Variants in TNRC18 observed in about 807,000 individuals in gnomAD.
TNRC18 encodes trinucleotide repeat-containing gene 18 protein.
In TNRC18, 69 loss-of-function variants were observed where a neutral mutation model predicts 226.7. The observed-to-expected ratio is 0.30, with a 90% confidence interval of 0.25 to 0.37. The LOEUF (loss-of-function observed/expected upper bound fraction) is 0.37, where lower values mean the gene tolerates loss of function less well. Among genes scored for constraint, TNRC18 ranks in the 10% least tolerant of loss-of-function variants. The pLI, the probability that TNRC18 is intolerant of heterozygous loss-of-function variation, is 1.00. For synonymous variants in TNRC18, 2,449 were observed against 1,927.6 expected (o/e 1.27, Z -7.09); for missense variants, 4,754 against 4,256.6 (o/e 1.12, Z -3.25).
intron 18 of TNRC18, among the ~76,000 whole-genome samples, chr7:5,336,515 G>C (rs1353883249): frequency 2.0e-5 from 3 of 152,172 alleles, no homozygotes; most frequent in Non-Finnish European, 4.4e-5. Flanking sequence ...GGCTGAGGCA[G>C]GAGGATCCCT....
At chr7:5,383,055 C>T (rs533761029) in intron 5 of TNRC18, among the ~76,000 whole-genome samples, 12 of 150,204 alleles carry the variant, frequency 8.0e-5, no homozygotes, top group African/African-American at 2.8e-4. Context: ...CCACTATGCT[C>T]GGATGATTTA....
chr7:5,328,059 T>C (rs1391592680), intron 19 of TNRC18, among the ~76,000 whole-genome samples: 1 of 151,500 alleles, frequency 6.6e-6, no homozygotes, highest in African/African-American at 2.4e-5. Flanking sequence ...CCGTCTCTAC[T>C]AAAAATACAA....
chr7:5,350,523 G>A (rs960907125), intron 17 of TNRC18, among the ~76,000 whole-genome samples: 4 of 152,186 alleles, frequency 2.6e-5, no homozygotes, highest in Admixed American at 6.5e-5. Context: ...CCTTCCTCAG[G>A]GAGTAGCTGA....
intron 2 of TNRC18, among the ~76,000 whole-genome samples, chr7:5,415,622 C>T (rs1359482297): frequency 6.6e-6 from 1 of 150,494 alleles, no homozygotes; most frequent in Non-Finnish European, 1.5e-5. Flanking sequence ...CTCAGGTGAT[C>T]AGCCTGCCTA....
At chr7:5,351,788 C>T (rs1261896583) in intron 17 of TNRC18, 31 bp downstream of exon 17, 9 of 1,542,596 alleles carry the variant, frequency 5.8e-6, no homozygotes, top group African/African-American at 2.8e-5. Context: ...CTAGGAAACA[C>T]GGAAGGTATT....
Position 5,379,400 on chromosome 7 carries a change from G to GA in TNRC18, c.2153-1377dup, listed in dbSNP as rs34098204. 1.6e-3 allele frequency among the ~76,000 whole-genome samples: 221 copies of GA among 136,662 alleles called. 1 individual carries two copies. Among genetic ancestry groups the GA allele is most frequent in the Middle Eastern group, 3.7e-3 (1 of 272 alleles). 89.7% of individuals were successfully genotyped at this position (136,662 alleles called of 152,430 possible). ...GACAGAGCGAGACCCAGACTCTAAA[G>GA]AAAAAAAAAAAAAATCAAGATAGAA... is the stretch of plus-strand genomic sequence containing the variant. On this transcript the variant is annotated intron_variant, in intron 5 of 29. Transcript: ENST00000430969.
intron 11 of TNRC18, among the ~76,000 whole-genome samples, chr7:5,363,996 T>G (rs1034544555): frequency 7.2e-5 from 11 of 151,994 alleles, no homozygotes; most frequent in African/African-American, 2.7e-4. Context: ...TCCACGGGCA[T>G]CCTTTAAAAT....
At chr7:5,405,977 A>G (rs1214291584) in intron 2 of TNRC18, among the ~76,000 whole-genome samples, 1 of 152,238 alleles carries the variant, frequency 6.6e-6, no homozygotes, top group Non-Finnish European at 1.5e-5. Context: ...CCATGTTCAT[A>G]GCAGCACTAT....
chr7:5,337,676 C>T (rs1790265856), intron 18 of TNRC18, among the ~76,000 whole-genome samples: 1 of 152,032 alleles, frequency 6.6e-6, no homozygotes, highest in Non-Finnish European at 1.5e-5. Context: ...CCTTATAAGC[C>T]ATTTAAATGA....
rs565753811 is a variant in TNRC18 at position 5,313,894 on chromosome 7, C to T, written c.7028-31G>A. On this transcript the variant is annotated intron_variant, in intron 26 of 29. Transcript: ENST00000430969. ...AAACAAAACAGATGAGAAGCTGGGGCGGGGGCTTCCTGGCAGAGATGAGCT... is the reference window on the plus strand; with the variant it reads ...AAACAAAACAGATGAGAAGCTGGGGTGGGGGCTTCCTGGCAGAGATGAGCT... 8.2e-5 allele frequency: 116 copies of T among 1,416,904 alleles called. 3 individuals carry two copies. In the East Asian group the frequency reaches 9.6e-4, roughly 12 times the overall value. 87.8% of individuals were successfully genotyped at this position (1,416,904 alleles called of 1,614,324 possible). A position where few individuals can be genotyped will look rare whatever the true frequency, so the allele number is the denominator to read the frequency against.
intron 2 of TNRC18, among the ~76,000 whole-genome samples, chr7:5,410,454 G>A (rs182717981): frequency 6.6e-6 from 1 of 152,098 alleles, no homozygotes; most frequent in Admixed American, 6.6e-5. Context: ...AAAAATTTCA[G>A]AATGAAAGTC....
chr7:5,333,154 T>G, intron 18 of TNRC18, 105 bp from the exon 19 acceptor site: 3 of 1,281,560 alleles, frequency 2.3e-6, no homozygotes, highest in Non-Finnish European at 3.3e-6. Flanking sequence ...TCCCCGCCAA[T>G]GGCAGCGCTT....
chr7:5,368,475 C>T lies in TNRC18; in HGVS notation c.4219+1900G>A, dbSNP rs569020759. On this transcript the variant is annotated intron_variant, in intron 11 of 29. Transcript: ENST00000430969. ...GTCAGGAGTACGAGACCAGCCTGGC[C>T]AACATGGTGAAACCCCATCTCCACT... Among the ~76,000 whole-genome samples, 280 of 152,036 alleles carry T rather than the reference C, an allele frequency of 1.8e-3. 1 individual carries two copies. Among genetic ancestry groups the T allele is most frequent in the Middle Eastern group, 0.01 (3 of 294 alleles).
Position 5,387,667 on chromosome 7 carries a change from C to G in TNRC18, c.2152+5G>C, listed in dbSNP as rs1433966430. ...ACCCGCACCTGGGCTCTGCCCAGGA[C>G]CTACCTTTGACGTTACTCAGCGACA... On this transcript the variant is annotated splice_donor_5th_base_variant and intron_variant, in intron 5 of 29. Transcript: ENST00000430969. 3.1e-6 allele frequency: 5 copies of G among 1,603,080 alleles called. No individual in the cohort carries two copies. Among genetic ancestry groups the G allele is most frequent in the Non-Finnish European group, 4.2e-6 (5 of 1,179,840 alleles).
At position 5,376,833 on chromosome 7, in the gene TNRC18, G is replaced by C. The variant is rs1479668283; in HGVS notation, c.2608+14C>G. ...CAGTCTGGCCCATGGTGGCCACATA[G>C]AAGGTCCACTTACCAAAGTGAGGAA... On this transcript the variant is annotated intron_variant, in intron 8 of 29. Coordinates refer to ENST00000430969, the MANE Select transcript of TNRC18 (RefSeq NM_001080495.3). 1 of 1,608,046 alleles carries C rather than the reference G, an allele frequency of 6.2e-7. No individual in the cohort carries two copies. Among genetic ancestry groups the C allele is most frequent in the Admixed American group, 1.7e-5 (1 of 59,298 alleles).
rs527361420 is a variant in TNRC18, at chr7:5,375,159, A to G, written c.2800-675T>C. The stretch of plus-strand genomic sequence containing the variant: ...ATCTCTACTAAAAATAGAGAAAAAA[A>G]TTAGCCGTGCATGACAGCATGTGCC... On this transcript the variant is annotated intron_variant, in intron 9 of 29. Coordinates refer to ENST00000430969, the MANE Select transcript of TNRC18 (RefSeq NM_001080495.3). Among the ~76,000 whole-genome samples, 10 of 152,302 alleles carry G rather than the reference A, an allele frequency of 6.6e-5. No individual in the cohort carries two copies. In the East Asian group the frequency reaches 1.3e-3, roughly 21 times the overall value.
intron 5 of TNRC18, among the ~76,000 whole-genome samples, chr7:5,382,430 A>G (rs959893472): frequency 1.3e-5 from 2 of 152,176 alleles, no homozygotes. Flanking sequence ...CACGCCCCAC[A>G]TCGCAGCCAT....
intron 15 of TNRC18, 76 bp downstream of exon 15, chr7:5,359,322 G>A (rs762184781): frequency 1.3e-6 from 2 of 1,483,224 alleles, no homozygotes; most frequent in East Asian, 4.5e-5. Flanking sequence ...GCCTGCGAAG[G>A]GAGCGTGAAC....
intron 9 of TNRC18, 139 bp from the exon 10 acceptor site, chr7:5,374,623 G>T: frequency 1.2e-6 from 1 of 814,432 alleles, no homozygotes; most frequent in Non-Finnish European, 1.8e-6. Flanking sequence ...TGCCCACCCC[G>T]TCCCAGGCCA....
Sources: allele counts gnomAD v4.1 joint callset (sites outside exome capture counted in the v4.1 genomes callset), GRCh38; gene constraint gnomAD v4.1.1; transcripts MANE v1.5; gene names NCBI Gene and HGNC (gene_info 2026-07-23, HGNC 2026-07-21).